PCDHGC3: variants seen among roughly 807,000 people sequenced by gnomAD.
The protein encoded by PCDHGC3 is protocadherin gamma subfamily C, 3, also known as protocadherin gamma-C3.
Under a neutral mutation model 59.2 loss-of-function variants are expected in PCDHGC3, and 26 were observed. That is an observed-to-expected ratio of 0.44 (90% CI 0.32 to 0.61). The LOEUF (loss-of-function observed/expected upper bound fraction) is 0.61. PCDHGC3 is among the 20% of genes least tolerant of loss of function. PCDHGC3 has a pLI of 0.05. For synonymous variants in PCDHGC3, 487 were observed against 519.7 expected, an observed-to-expected ratio of 0.94 and a Z score of 0.86; for missense variants, 1,080 against 1,221.8, an observed-to-expected ratio of 0.88 and a Z score of 1.73.
intron 1 of PCDHGC3, among the ~76,000 whole-genome samples, chr5:141,488,423 T>C (rs1204233986): frequency 2.0e-5 from 3 of 152,354 alleles, no homozygotes; most frequent in Non-Finnish European, 4.4e-5. Context: ...CCATCCATGC[T>C]TGGCCTCTGA....
Position 141,476,511 on chromosome 5 carries a change from A to G in PCDHGC3, c.395A>G (p.Asn132Ser), listed in dbSNP as rs1562054650. Reference sequence around the variant, plus strand: ...GTGATCCAGGACATCAACGACAACAATCCTGCTTTCCCTACCCAGGAAATG... The same window carrying G: ...GTGATCCAGGACATCAACGACAACAGTCCTGCTTTCCCTACCCAGGAAATG... Reference protein sequence around the residue: ...EVVIQDINDNNPAFPTQEMKL... With the variant: ...EVVIQDINDNSPAFPTQEMKL... The change falls in exon 1 of 4, where the codon AAT (asparagine) becomes AGT (serine). Residue 132 changes from asparagine (N) to serine (S), a missense_variant. Transcript: ENST00000308177. The surrounding 1 kb of genome is among the most constrained non-coding windows in gnomAD (Gnocchi z 7.6). The G allele has an allele frequency of 5.0e-6, 8 of 1,613,902 alleles. No individual in the cohort carries two copies. The highest frequency in any genetic ancestry group is 6.8e-6 in the Non-Finnish European group (8 of 1,179,960).
At chr5:141,501,290 TACACACACACACACACAC>T (rs55762287) in intron 2 of PCDHGC3, among the ~76,000 whole-genome samples, 6 of 136,162 alleles carry the variant, frequency 4.4e-5, no homozygotes, top group South Asian at 2.4e-4. Flanking sequence ...TATTCCCTTA[TACACACACACACACACAC>T]ACACACACAC....
chr5:141,484,805 A>G (rs1594417928), intron 1 of PCDHGC3, among the ~76,000 whole-genome samples: 1 of 151,896 alleles, frequency 6.6e-6, no homozygotes, highest in East Asian at 1.9e-4. Context: ...CCGTGGAAAA[A>G]CATGCCGTTG....
Position 141,487,243 on chromosome 5 carries a change from C to T in PCDHGC3, c.2431-7564C>T. 1 of 1,614,114 alleles carries T rather than the reference C, an allele frequency of 6.2e-7. No individual in the cohort carries two copies. The highest frequency in any genetic ancestry group is 8.5e-7 in the Non-Finnish European group (1 of 1,180,000). Reference sequence around the variant, plus strand: ...CAAGGGAAGGAGAATCTCGTCTAACCCTCTACTTGGCTGTGTCCCTAGTGG... The same window carrying T: ...CAAGGGAAGGAGAATCTCGTCTAACTCTCTACTTGGCTGTGTCCCTAGTGG... On this transcript the variant is annotated intron_variant, in intron 1 of 3. Coordinates refer to ENST00000308177, the MANE Select transcript of PCDHGC3 (RefSeq NM_002588.4). The surrounding 1 kb of genome is among the most constrained non-coding windows in gnomAD (Gnocchi z 5.0).
intron 2 of PCDHGC3, among the ~76,000 whole-genome samples, chr5:141,498,260 A>C (rs1044675509): frequency 6.6e-6 from 1 of 152,140 alleles, no homozygotes; most frequent in Non-Finnish European, 1.5e-5. Flanking sequence ...GCTGGTGTTG[A>C]GTTCTTCAGT....
chr5:141,482,470 C>T (rs768383368), intron 1 of PCDHGC3, among the ~76,000 whole-genome samples: 8 of 137,876 alleles, frequency 5.8e-5, no homozygotes, highest in Non-Finnish European at 1.2e-4. Flanking sequence ...ATGTGCCAGA[C>T]ACTGTAAACA....
At chr5:141,484,877 G>T in intron 1 of PCDHGC3, 1 of 338,660 alleles carries the variant, frequency 3.0e-6, no homozygotes, top group Non-Finnish European at 5.4e-6. Context: ...GTGGAGGATA[G>T]GGTGGGCTTT....
chr5:141,499,233 C>A (rs1047984757), intron 2 of PCDHGC3, among the ~76,000 whole-genome samples: 2 of 152,116 alleles, frequency 1.3e-5, no homozygotes, highest in Non-Finnish European at 2.9e-5. Context: ...CAGCTGTCCC[C>A]AGCCTCTGCA....
At chr5:141,496,602 C>A (rs981108050) in intron 2 of PCDHGC3, among the ~76,000 whole-genome samples, 5 of 152,150 alleles carry the variant, frequency 3.3e-5, no homozygotes, top group Admixed American at 1.3e-4. Flanking sequence ...TCTTAGAAGG[C>A]CCCTAAAAAG....
At chr5:141,496,146 G>A (rs749790409) in intron 2 of PCDHGC3, among the ~76,000 whole-genome samples, 1 of 151,170 alleles carries the variant, frequency 6.6e-6, no homozygotes, top group Non-Finnish European at 1.5e-5. Flanking sequence ...GCCTTTGATC[G>A]CAGCTCTCCA....
At position 141,477,577 on chromosome 5, in the gene PCDHGC3, G is replaced by T; in HGVS notation, c.1461G>T (p.Pro487=). Reference sequence around the variant, plus strand: ...TAAGTGTCTGGGACCCCGACGCCCCGCAGAATGCTCGGCTTTCTTTCTTTC... The same window carrying T: ...TAAGTGTCTGGGACCCCGACGCCCCTCAGAATGCTCGGCTTTCTTTCTTTC... ...LNLSVWDPDA[P]QNARLSFFLL... is the part of the protein sequence containing the mutation. Residue 487 remains proline, a synonymous_variant, in exon 1 of 4, where the codon CCG becomes CCT. Transcript: ENST00000308177. The surrounding 1 kb of genome is among the most constrained non-coding windows in gnomAD (Gnocchi z 4.9). 1.2e-6 allele frequency: 2 copies of T among 1,614,124 alleles called. No homozygotes were observed. Among genetic ancestry groups the T allele is most frequent in the Non-Finnish European group, 1.7e-6 (2 of 1,180,020 alleles).
intron 2 of PCDHGC3, among the ~76,000 whole-genome samples, chr5:141,498,789 C>T (rs1302940884): frequency 6.6e-6 from 1 of 151,980 alleles, no homozygotes; most frequent in Non-Finnish European, 1.5e-5. Context: ...AAATATTAGC[C>T]AGGTGTGGTG....
rs758066578 is a variant in PCDHGC3, at chr5:141,475,980, C to G, written c.-137C>G. On this transcript the variant is annotated 5_prime_UTR_variant, in exon 1 of 4. Coordinates refer to ENST00000308177, the MANE Select transcript of PCDHGC3 (RefSeq NM_002588.4). ...CGGGATGAGGCAGAGACTGAACAGCCGGCGAGCAAATCAACGGCATCCAGA... is the reference window on the plus strand; with the variant it reads ...CGGGATGAGGCAGAGACTGAACAGCGGGCGAGCAAATCAACGGCATCCAGA... The G allele has an allele frequency of 2.9e-6, 3 of 1,028,500 alleles. No individual in the cohort carries two copies. The highest frequency in any genetic ancestry group is 2.4e-5 in the Admixed American group (1 of 40,946). 63.7% of individuals were successfully genotyped at this position (1,028,500 alleles called of 1,614,324 possible).
At chr5:141,506,993 C>T (rs781663602) in intron 3 of PCDHGC3, 18 of 152,184 alleles carry the variant, frequency 1.2e-4, no homozygotes, top group Non-Finnish European at 1.8e-4. Context: ...TTCTCACACT[C>T]GACAGATGAG....
Position 141,485,549 on chromosome 5 carries a change from G to A in PCDHGC3, c.2430+7003G>A. 6.2e-7 allele frequency: 1 copy of A among 1,614,030 alleles called. No homozygotes were observed. The highest frequency in any genetic ancestry group is 1.1e-5 in the South Asian group (1 of 91,068). On this transcript the variant is annotated intron_variant, in intron 1 of 3. Transcript: ENST00000308177. The surrounding 1 kb of genome is among the most constrained non-coding windows in gnomAD (Gnocchi z 5.7). ...CCGAGCAGAGGTAGAGATCGTAGATGTGAATGATCACGCCCCCCGTTTTCC... is the reference window on the plus strand; with the variant it reads ...CCGAGCAGAGGTAGAGATCGTAGATATGAATGATCACGCCCCCCGTTTTCC...
intron 1 of PCDHGC3, among the ~76,000 whole-genome samples, chr5:141,492,964 C>CT (rs2099745347): frequency 6.6e-6 from 1 of 152,354 alleles, no homozygotes; most frequent in Non-Finnish European, 1.5e-5. Context: ...ATCTGACACT[C>CT]TAACAAGTCC....
intron 1 of PCDHGC3, among the ~76,000 whole-genome samples, chr5:141,480,916 A>C (rs991166066): frequency 6.6e-6 from 1 of 152,106 alleles, no homozygotes; most frequent in East Asian, 1.9e-4. Flanking sequence ...ATGGTGGCGC[A>C]TACCTGTAGT....
intron 2 of PCDHGC3, among the ~76,000 whole-genome samples, chr5:141,501,286 C>T (rs2099806802): frequency 8.9e-6 from 1 of 112,422 alleles, no homozygotes; most frequent in African/African-American, 3.5e-5. Context: ...GGGATATTCC[C>T]TTATACACAC....
At chr5:141,481,531 G>A (rs1342825952) in intron 1 of PCDHGC3, among the ~76,000 whole-genome samples, 2 of 152,206 alleles carry the variant, frequency 1.3e-5, no homozygotes, top group African/African-American at 4.8e-5. Context: ...AAAATCTAGA[G>A]ATGGGGCTGG....
Sources: gnomAD v4.1 joint callset for allele counts (sites outside exome capture counted in the v4.1 genomes callset) on GRCh38, gnomAD v4.1.1 for gene constraint, Gnocchi (gnomAD v3.1) non-coding constraint, MANE v1.5 for transcripts, NCBI Gene and HGNC (gene_info 2026-07-23, HGNC 2026-07-21) for gene names.